ACSM2B: variants seen among roughly 807,000 people sequenced by gnomAD.
ACSM2B encodes the protein acyl-CoA synthetase medium chain family member 2B.
ACSM2B carries 58 observed loss-of-function variants against 78.6 expected under a neutral mutation model. That is an observed-to-expected ratio of 0.74 (90% confidence interval 0.60 to 0.92). The LOEUF (loss-of-function observed/expected upper bound fraction) is 0.92. Among genes scored for constraint, ACSM2B ranks in the 40% least tolerant of loss-of-function variants. The pLI, the probability that ACSM2B is intolerant of heterozygous loss-of-function variation, is 0.00. For synonymous variants in ACSM2B, 257 were observed against 256.8 expected, an observed-to-expected ratio of 1.00 and a Z score of -0.01; for missense variants, 688 against 711.2, an observed-to-expected ratio of 0.97 and a Z score of 0.37.
Position 20,542,947 on chromosome 16 carries a change from A to G in ACSM2B, c.1476T>C (p.Ala492=). 2 of 1,613,742 alleles carry G rather than the reference A, an allele frequency of 1.2e-6. No individual in the cohort carries two copies. The highest frequency in any genetic ancestry group is 1.7e-6 in the Non-Finnish European group (2 of 1,179,856). ...LMKHPAVVET[A]VISSPDPVRG... ...GGACGGGGTCTGGGCTGCTGATCAC[A>G]GCCGTCTCAACCACAGCAGGGTGCT... The change falls in exon 12 of 14, where the codon GCT becomes GCC. Residue 492 remains alanine (A), a synonymous_variant. Transcript: ENST00000329697.
intron 12 of ACSM2B, 44 bp from the exon 13 acceptor site, chr16:20,540,817 T>C (rs1185398404): frequency 1.3e-6 from 2 of 1,596,712 alleles, no homozygotes; most frequent in Middle Eastern, 1.7e-4. Context: ...TTAGAGTGTG[T>C]AGTCATCTCC....
intron 2 of ACSM2B, among the ~76,000 whole-genome samples, chr16:20,561,683 T>A (rs2015659142): frequency 6.7e-6 from 1 of 149,748 alleles, no homozygotes; most frequent in South Asian, 2.2e-4. Flanking sequence ...TACAATAATC[T>A]CTTTTTTTTT....
intron 6 of ACSM2B, among the ~76,000 whole-genome samples, chr16:20,550,145 C>G (rs888124251): frequency 1.8e-4 from 28 of 152,114 alleles, no homozygotes; most frequent in African/African-American, 6.5e-4. Flanking sequence ...GAAGTCCATT[C>G]AGATGGTTGG....
intron 1 of ACSM2B, among the ~76,000 whole-genome samples, chr16:20,566,700 A>C (rs1383811501): frequency 0.021 from 141 of 6,670 alleles, 14 homozygotes; most frequent in East Asian, 0.076. Context: ...TATATATAGT[A>C]TATATATAGT....
chr16:20,550,945 T>C (rs1567209612), intron 6 of ACSM2B, among the ~76,000 whole-genome samples: 1 of 152,174 alleles, frequency 6.6e-6, no homozygotes, highest in African/African-American at 2.4e-5. Context: ...AACCCAAAGT[T>C]CATTAACAAT....
chr16:20,559,527 A>T, intron 2 of ACSM2B, 80 bp from the exon 3 acceptor site: 1 of 1,525,336 alleles, frequency 6.6e-7, no homozygotes, highest in Non-Finnish European at 8.8e-7. Context: ...TGGGATTGCC[A>T]AGCTGGTGCT....
At chr16:20,568,335 TATATA>T (rs71149156) in intron 1 of ACSM2B, among the ~76,000 whole-genome samples, 10,974 of 145,224 alleles carry the variant, frequency 0.076, 580 homozygotes, top group East Asian at 0.2. Flanking sequence ...TTATATAATG[TATATA>T]ATATATCATA....
intron 6 of ACSM2B, 116 bp downstream of exon 6, chr16:20,552,028 T>A (rs777386324): frequency 1.1e-5 from 17 of 1,495,720 alleles, no homozygotes; most frequent in Middle Eastern, 1.9e-4. Context: ...AACACTGTTC[T>A]CCACATGGCA....
rs188977872 is a variant in ACSM2B at position 20,554,875 on chromosome 16, A to G, written c.596+394T>C. ...TCACGAGTGATTCACTTTGTGCCCCATAGTTTCTCTGTTTTACCATAGCAT... is the reference window on the plus strand; with the variant it reads ...TCACGAGTGATTCACTTTGTGCCCCGTAGTTTCTCTGTTTTACCATAGCAT... On this transcript the variant is annotated intron_variant, in intron 4 of 13. Transcript: ENST00000329697. 1.5e-3 allele frequency among the ~76,000 whole-genome samples: 228 copies of G among 152,286 alleles called. 2 individuals carry two copies. The highest frequency in any genetic ancestry group is 5.3e-3 in the African/African-American group (221 of 41,564).
At chr16:20,540,515 T>C (rs2014959603) in intron 13 of ACSM2B, 139 bp downstream of exon 13, 1 of 1,429,948 alleles carries the variant, frequency 7.0e-7, no homozygotes, top group African/African-American at 1.4e-5. Context: ...AGTGCTGGGA[T>C]TGCAGGTGTC....
rs1385109189 is a variant in ACSM2B, at chr16:20,555,476, C to G, written c.389G>C (p.Gly130Ala). 6.2e-7 allele frequency: 1 copy of G among 1,611,712 alleles called. No individual in the cohort carries two copies. Among genetic ancestry groups the G allele is most frequent in the Admixed American group, 1.7e-5 (1 of 59,850 alleles). Residue 130 changes from glycine to alanine, a missense_variant and splice_region_variant, in exon 4 of 14, where the codon GGT (glycine) becomes GCT (alanine). Gly to Ala is a moderately conservative substitution (Grantham distance 60, BLOSUM62 0). Transcript: ENST00000329697. ...WLVILGCIRA[G>A]LIFMPGTIQM... Reference sequence around the variant, plus strand: ...GATGGTTCCAGGCATAAAGATGAGACCTAAAGAAGCCAACAATTTAGAGAA... The same window carrying G: ...GATGGTTCCAGGCATAAAGATGAGAGCTAAAGAAGCCAACAATTTAGAGAA...
chr16:20,551,183 G>A (rs537784327), intron 6 of ACSM2B, among the ~76,000 whole-genome samples: 2 of 152,210 alleles, frequency 1.3e-5, no homozygotes, highest in East Asian at 1.9e-4. Context: ...TTAACTTATG[G>A]GGGGCAGATA....
chr16:20,571,161 G>C (rs2016084271), intron 1 of ACSM2B, among the ~76,000 whole-genome samples: 1 of 151,910 alleles, frequency 6.6e-6, no homozygotes, highest in Non-Finnish European at 1.5e-5. Context: ...TGTGGCCTTA[G>C]ATTGTCTATT....
Position 20,545,367 on chromosome 16 carries a change from A to G in ACSM2B, c.1180-109T>C, listed in dbSNP as rs1053888901. ...ATGAAAGACTCTCTTGCTCTAGTGG[A>G]GACTGAAAACGACAACCAAAAACCA... On this transcript the variant is annotated intron_variant, in intron 9 of 13. Coordinates refer to ENST00000329697, the MANE Select transcript of ACSM2B (RefSeq NM_001105069.2). 3.5e-5 allele frequency: 47 copies of G among 1,325,590 alleles called. No homozygotes were observed. The Middle Eastern group carries it at 9.7e-4, about 27-fold the overall frequency. 82.1% of individuals were successfully genotyped at this position (1,325,590 alleles called of 1,614,324 possible).
At chr16:20,554,279 T>C (rs2015404340) in intron 4 of ACSM2B, 1 of 419,090 alleles carries the variant, frequency 2.4e-6, no homozygotes, top group Non-Finnish European at 4.5e-6. Context: ...TAAATGCTAA[T>C]CTAATTGTTG....
At chr16:20,549,280 G>A (rs1217796874) in intron 6 of ACSM2B, among the ~76,000 whole-genome samples, 1 of 152,152 alleles carries the variant, frequency 6.6e-6, no homozygotes, top group East Asian at 1.9e-4. Context: ...CCGAGACAGA[G>A]TAATTTATGA....
At chr16:20,538,663 G>C (rs1016608804) in intron 13 of ACSM2B, among the ~76,000 whole-genome samples, 10 of 152,154 alleles carry the variant, frequency 6.6e-5, no homozygotes, top group Admixed American at 5.2e-4. Flanking sequence ...TGAGATATTT[G>C]AGTAAGACAC....
At chr16:20,557,713 C>T (rs146463765) in intron 3 of ACSM2B, among the ~76,000 whole-genome samples, 3,101 of 152,328 alleles carry the variant, frequency 0.02, 100 homozygotes, top group African/African-American at 0.071. Flanking sequence ...TCTACATGTT[C>T]ATTCTATTGC....
At chr16:20,541,580 C>T (rs2014990234) in intron 12 of ACSM2B, 1 of 151,956 alleles carries the variant, frequency 6.6e-6, no homozygotes, top group East Asian at 1.9e-4. Context: ...GGATAGAATC[C>T]TTCCAGCCTC....
Sources: gnomAD v4.1 joint callset for allele counts (sites outside exome capture counted in the v4.1 genomes callset) on GRCh38, gnomAD v4.1.1 for gene constraint, MANE v1.5 for transcripts, NCBI Gene and HGNC (gene_info 2026-07-23, HGNC 2026-07-21) for gene names.